DAAM1: variants seen among roughly 807,000 people sequenced by gnomAD.
The protein encoded by DAAM1 is dishevelled associated activator of morphogenesis 1.
DAAM1 carries 52 observed loss-of-function variants against 130.0 expected under a neutral mutation model. The ratio of observed to expected loss-of-function variants is 0.40; its 90% CI spans 0.32 to 0.50. The LOEUF is 0.50. DAAM1 is among the 20% of genes least tolerant of loss of function. The pLI, the probability that DAAM1 is intolerant of heterozygous loss-of-function variation, is 0.61. For missense variants in DAAM1, 1,134 were observed against 1,303.8 expected, an observed-to-expected ratio of 0.87 and a Z score of 2.01; for synonymous variants, 452 against 444.5, an observed-to-expected ratio of 1.02 and a Z score of -0.21.
chr14:59,339,057 A>C (rs1885744510), intron 15 of DAAM1, among the ~76,000 whole-genome samples: 1 of 152,236 alleles, frequency 6.6e-6, no homozygotes. Context: ...TGTTCTCCAT[A>C]AATTCACGAG....
intron 2 of DAAM1, among the ~76,000 whole-genome samples, chr14:59,273,760 C>T (rs908892793): frequency 9.2e-5 from 14 of 152,098 alleles, no homozygotes; most frequent in East Asian, 3.8e-4. Flanking sequence ...AGCTTTTAAG[C>T]GTAATTTTAA....
intron 1 of DAAM1, among the ~76,000 whole-genome samples, chr14:59,242,595 A>T (rs144053467): frequency 6.6e-6 from 1 of 152,060 alleles, no homozygotes; most frequent in African/African-American, 2.4e-5. Flanking sequence ...GTCTCGCTCT[A>T]TCCCCCAGGC....
intron 3 of DAAM1, among the ~76,000 whole-genome samples, chr14:59,294,289 C>A (rs1360067390): frequency 6.6e-6 from 1 of 152,236 alleles, no homozygotes; most frequent in African/African-American, 2.4e-5. Context: ...TGAGTCCCGG[C>A]AGCAGCTATC....
chr14:59,261,860 G>A (rs78879943), intron 1 of DAAM1, among the ~76,000 whole-genome samples: 1 of 152,224 alleles, frequency 6.6e-6, no homozygotes, highest in African/African-American at 2.4e-5. Flanking sequence ...TTCAAGGAAG[G>A]CATCTGTTTT....
intron 3 of DAAM1, among the ~76,000 whole-genome samples, chr14:59,309,751 G>A (rs191807176): frequency 2.0e-5 from 3 of 152,256 alleles, no homozygotes; most frequent in South Asian, 2.1e-4. Flanking sequence ...ACACTTTATC[G>A]TAGCCATCTT....
chr14:59,202,503 T>C lies in DAAM1; in HGVS notation c.-38+13735T>C, dbSNP rs1888136243. On this transcript the variant is annotated intron_variant, in intron 1 of 24. Transcript: ENST00000360909. The stretch of plus-strand genomic sequence containing the variant: ...TAAAAGCAACACCTTAAAACATCAT[T>C]CATTTGTTCATTTGCCATTTAAAAA... Among the ~76,000 whole-genome samples the C allele has an allele frequency of 4.7e-5, 7 of 149,218 alleles. No individual in the cohort carries two copies. The South Asian group carries it at 1.5e-3, about 32-fold the overall frequency.
intron 15 of DAAM1, chr14:59,338,413 A>C: frequency 6.2e-7 from 1 of 1,613,708 alleles, no homozygotes; most frequent in Non-Finnish European, 8.5e-7. Context: ...AACTCCAAGC[A>C]GGTAAGTGAG....
In DAAM1 at chr14:59,245,509, T is replaced by A. The variant is rs141871970; in HGVS notation, c.-37-17932T>A. ...AAAATATTACCTAATTAGACACTTT[T>A]AGTCTTTTATATAATATTCCTAGGG... On this transcript the variant is annotated intron_variant, in intron 1 of 24. Transcript: ENST00000360909. 3.1e-3 allele frequency among the ~76,000 whole-genome samples: 466 copies of A among 152,348 alleles called. 2 individuals are homozygous for A. Among genetic ancestry groups the A allele is most frequent in the African/African-American group, 0.011 (446 of 41,582 alleles).
intron 1 of DAAM1, among the ~76,000 whole-genome samples, chr14:59,201,793 C>CAAAAA (rs75591936): frequency 3.0e-5 from 3 of 101,548 alleles, no homozygotes; most frequent in African/African-American, 6.9e-5. Flanking sequence ...GATACTGTCT[C>CAAAAA]AAAAAAAAAA....
intron 3 of DAAM1, among the ~76,000 whole-genome samples, chr14:59,299,373 A>G (rs1884083680): frequency 6.6e-6 from 1 of 152,210 alleles, no homozygotes; most frequent in Non-Finnish European, 1.5e-5. Flanking sequence ...GATTAACTTT[A>G]TGGGGTTTTA....
rs539570970 is a variant in DAAM1 at position 59,245,054 on chromosome 14, C to CG, written c.-37-18380dup. 7.1e-3 allele frequency among the ~76,000 whole-genome samples: 1,075 copies of CG among 151,846 alleles called. 15 individuals are homozygous for CG. The highest frequency in any genetic ancestry group is 0.025 in the African/African-American group (1,036 of 41,352). On this transcript the variant is annotated intron_variant, in intron 1 of 24. Coordinates refer to ENST00000360909, the MANE Select transcript of DAAM1 (RefSeq NM_001270520.2). The stretch of plus-strand genomic sequence containing the variant: ...GATGATCTCAGGGAAGGGAAAAGGA[C>CG]GGGGGGGCCAGGGGAAAGGTGATGT...
chr14:59,192,142 G>C (rs55760851), intron 1 of DAAM1, among the ~76,000 whole-genome samples: 3,740 of 137,844 alleles, frequency 0.027, 74 homozygotes, highest in Middle Eastern at 0.046. Flanking sequence ...TGTTCTGCTT[G>C]TTAAGGGGTG....
chr14:59,269,665 A>G (rs1343859104), intron 2 of DAAM1, among the ~76,000 whole-genome samples: 1 of 151,970 alleles, frequency 6.6e-6, no homozygotes, highest in African/African-American at 2.4e-5. Flanking sequence ...ACTAACACCT[A>G]CCCCCATGAT....
chr14:59,331,988 C>T lies in DAAM1; in HGVS notation c.1968+68C>T, dbSNP rs1393910990. ...CATGTCTTATGCATGATCTCTGGCCCATCAGCCATGGCCGTGATGTGACCG... is the reference window on the plus strand; with the variant it reads ...CATGTCTTATGCATGATCTCTGGCCTATCAGCCATGGCCGTGATGTGACCG... On this transcript the variant is annotated intron_variant, in intron 15 of 24. Transcript: ENST00000360909. The T allele has an allele frequency of 3.7e-6, 5 of 1,360,288 alleles. No individual in the cohort carries two copies. The African/African-American group carries it at 7.2e-5, about 20-fold the overall frequency. The allele number at this position is 1,360,288 out of a possible 1,614,324, so 84.3% of individuals were successfully genotyped here.
chr14:59,347,579 A>T lies in DAAM1; in HGVS notation c.2116A>T (p.Thr706Ser), dbSNP rs1260505244. The change falls in exon 17 of 25, where the codon ACA (threonine) becomes TCA (serine). Residue 706 changes from threonine to serine, a missense_variant. Physicochemically the swap from Thr to Ser is moderately conservative, Grantham distance 58. This residue lies in a region of DAAM1 where 644 missense variants were observed against 695.9 expected (regional missense o/e 0.93). Transcript: ENST00000360909. Reference sequence around the variant, plus strand: ...TGACGAAATCAAACGGGCAATTCTAACAATGGACGAACAGGAAGATCTGCC... The same window carrying T: ...TGACGAAATCAAACGGGCAATTCTATCAATGGACGAACAGGAAGATCTGCC... ...SNDEIKRAILTMDEQEDLPKD... is the reference protein window; with the variant it reads ...SNDEIKRAILSMDEQEDLPKD... 22 of 1,613,858 alleles carry T rather than the reference A, an allele frequency of 1.4e-5. No homozygotes were observed. In the Admixed American group the frequency reaches 3.7e-4, roughly 27 times the overall value.
intron 10 of DAAM1, among the ~76,000 whole-genome samples, chr14:59,326,298 C>T (rs1240453867): frequency 6.6e-6 from 1 of 151,990 alleles, no homozygotes; most frequent in African/African-American, 2.4e-5. Flanking sequence ...AAAAAATATG[C>T]CTTACAACCT....
At chr14:59,353,773 G>A (rs1255618299) in intron 18 of DAAM1, 103 bp from the exon 19 acceptor site, 16 of 970,654 alleles carry the variant, frequency 1.6e-5, no homozygotes, top group South Asian at 3.0e-5. Context: ...GAGTGGGTGG[G>A]TATTGGGGGA....
chr14:59,204,426 GCC>G (rs1459960832), intron 1 of DAAM1, among the ~76,000 whole-genome samples: 2 of 152,186 alleles, frequency 1.3e-5, no homozygotes. Flanking sequence ...TTTCTTCCAT[GCC>G]ACGTGGAGAA....
intron 3 of DAAM1, among the ~76,000 whole-genome samples, chr14:59,301,131 C>T (rs1281438119): frequency 2.0e-5 from 3 of 152,020 alleles, no homozygotes; most frequent in Non-Finnish European, 2.9e-5. Context: ...ATTTTATGAA[C>T]GTTTAAATGT....
Sources: gnomAD v4.1 joint callset for allele counts (sites outside exome capture counted in the v4.1 genomes callset) on GRCh38, gnomAD v4.1.1 for gene constraint, gnomAD v4.1.1 regional missense constraint, MANE v1.5 for transcripts, NCBI Gene and HGNC (gene_info 2026-07-23, HGNC 2026-07-21) for gene names.